RORB: variants seen among roughly 807,000 people sequenced by gnomAD.
RORB encodes the protein nuclear receptor ROR-beta.
RORB carries 6 observed loss-of-function variants against 59.1 expected under a neutral mutation model. The observed-to-expected ratio is 0.10, with a 90% confidence interval of 0.06 to 0.20. The LOEUF (loss-of-function observed/expected upper bound fraction) is 0.20, where lower values mean the gene tolerates loss of function less well. Among genes scored for constraint, RORB ranks in the 10% least tolerant of loss-of-function variants. The pLI, the probability that RORB is intolerant of heterozygous loss-of-function variation, is 1.00. For missense variants in RORB, 320 were observed against 560.5 expected, an observed-to-expected ratio of 0.57 and a Z score of 4.33; for synonymous variants, 215 against 204.5, an observed-to-expected ratio of 1.05 and a Z score of -0.44.
At chr9:74,645,585 T>C (rs978015097) in intron 4 of RORB, among the ~76,000 whole-genome samples, 2 of 152,190 alleles carry the variant, frequency 1.3e-5, no homozygotes. Flanking sequence ...GTAAGCACCA[T>C]TATTATTAAT....
At chr9:74,638,429 C>T in intron 3 of RORB, among the ~76,000 whole-genome samples, 1 of 152,164 alleles carries the variant, frequency 6.6e-6, no homozygotes, top group East Asian at 1.9e-4. Context: ...GCAAATACCA[C>T]ATCATTGAAT....
At chr9:74,524,523 G>A (rs1382427727) in intron 1 of RORB, among the ~76,000 whole-genome samples, 1 of 151,822 alleles carries the variant, frequency 6.6e-6, no homozygotes, top group African/African-American at 2.4e-5. Flanking sequence ...ATGAGCTGTT[G>A]ATTTAAATGC....
At chr9:74,539,450 A>G (rs1278814897) in intron 1 of RORB, among the ~76,000 whole-genome samples, 2 of 152,192 alleles carry the variant, frequency 1.3e-5, no homozygotes, top group Non-Finnish European at 2.9e-5. Context: ...ACAAAATGTC[A>G]TGTACAAAAT....
chr9:74,689,062 G>C lies in RORB; in HGVS notation c.*3444G>C, dbSNP rs1201307053. 2 of 152,240 alleles carry C rather than the reference G, an allele frequency of 1.3e-5. No homozygotes were observed. Among genetic ancestry groups the C allele is most frequent in the African/African-American group, 4.8e-5 (2 of 41,444 alleles). 9.4% of individuals were successfully genotyped at this position (152,240 alleles called of 1,614,324 possible). On this transcript the variant is annotated 3_prime_UTR_variant, in exon 10 of 10. Coordinates refer to ENST00000376896, the MANE Select transcript of RORB (RefSeq NM_006914.4). Reference sequence around the variant, plus strand: ...TTTGACACCCGTATATGCCCGTACTGTCCATGACTCAACTAATCTCTTTGC... The same window carrying C: ...TTTGACACCCGTATATGCCCGTACTCTCCATGACTCAACTAATCTCTTTGC...
intron 1 of RORB, among the ~76,000 whole-genome samples, chr9:74,611,686 A>C (rs538856685): frequency 6.6e-6 from 1 of 152,134 alleles, no homozygotes; most frequent in South Asian, 2.1e-4. Context: ...TTTCGCTATT[A>C]TTGCCCAGGC....
chr9:74,683,531 C>T (rs923943030), intron 9 of RORB, among the ~76,000 whole-genome samples: 2 of 152,124 alleles, frequency 1.3e-5, no homozygotes, highest in Non-Finnish European at 1.5e-5. Flanking sequence ...TCTGGCATTA[C>T]CTCACCCACT....
chr9:74,582,182 A>G (rs1365045915), intron 1 of RORB, among the ~76,000 whole-genome samples: 2 of 152,174 alleles, frequency 1.3e-5, no homozygotes, highest in African/African-American at 4.8e-5. Context: ...AAATTATAAG[A>G]CTACACAAGT....
intron 1 of RORB, among the ~76,000 whole-genome samples, chr9:74,599,070 C>G (rs917904709): frequency 6.6e-6 from 1 of 152,128 alleles, no homozygotes; most frequent in East Asian, 1.9e-4. Flanking sequence ...GAACACCTCC[C>G]GCTAGACCAC....
intron 3 of RORB, among the ~76,000 whole-genome samples, chr9:74,637,221 T>A (rs563692632): frequency 6.6e-6 from 1 of 152,328 alleles, no homozygotes; most frequent in South Asian, 2.1e-4. Context: ...TTCATTTTGG[T>A]ATATGCATTT....
chr9:74,594,066 A>G (rs1708382752), intron 1 of RORB, among the ~76,000 whole-genome samples: 1 of 152,224 alleles, frequency 6.6e-6, no homozygotes, highest in African/African-American at 2.4e-5. Flanking sequence ...TAGCAACCAC[A>G]GTATTTTTGG....
chr9:74,589,893 A>G (rs1337842157), intron 1 of RORB, among the ~76,000 whole-genome samples: 2 of 152,178 alleles, frequency 1.3e-5, no homozygotes, highest in Non-Finnish European at 2.9e-5. Context: ...GCTATTAATT[A>G]ATTTATTATA....
intron 1 of RORB, among the ~76,000 whole-genome samples, chr9:74,623,621 T>C (rs1823459956): frequency 6.6e-6 from 1 of 152,144 alleles, no homozygotes; most frequent in African/African-American, 2.4e-5. Flanking sequence ...ACAGTGCTTC[T>C]CAAACTCGAA....
chr9:74,566,840 G>T (rs1312375015), intron 1 of RORB, among the ~76,000 whole-genome samples: 2 of 152,276 alleles, frequency 1.3e-5, no homozygotes, highest in East Asian at 3.9e-4. Flanking sequence ...AAGATATAAG[G>T]CTGATAGCCC....
At chr9:74,633,219 T>C (rs887850420) in intron 2 of RORB, among the ~76,000 whole-genome samples, 1 of 152,208 alleles carries the variant, frequency 6.6e-6, no homozygotes, top group African/African-American at 2.4e-5. Context: ...TGTTAAAATA[T>C]TGTATTTTCT....
intron 1 of RORB, among the ~76,000 whole-genome samples, chr9:74,613,092 T>C (rs10781241): frequency 0.42 from 63,313 of 152,014 alleles, 14,480 homozygotes; most frequent in East Asian, 0.76. Context: ...AAAGAATGAA[T>C]GATAACCAGA....
chr9:74,511,039 T>C (rs868378560), intron 1 of RORB, among the ~76,000 whole-genome samples: 73 of 152,332 alleles, frequency 4.8e-4, no homozygotes, highest in African/African-American at 1.6e-3. Context: ...AAAAAGACTT[T>C]ATACCTAAAG....
At chr9:74,618,484 T>G (rs34059398) in intron 1 of RORB, among the ~76,000 whole-genome samples, 4 of 152,208 alleles carry the variant, frequency 2.6e-5, no homozygotes, top group Non-Finnish European at 5.9e-5. Context: ...ACATTGAAAT[T>G]GGTTCTGATC....
intron 1 of RORB, among the ~76,000 whole-genome samples, chr9:74,614,547 G>A (rs1823279685): frequency 6.6e-6 from 1 of 151,822 alleles, no homozygotes; most frequent in Non-Finnish European, 1.5e-5. Context: ...CAATACATGT[G>A]TCCTAGAACA....
At chr9:74,661,611 C>T (rs1587411966) in intron 5 of RORB, among the ~76,000 whole-genome samples, 1 of 147,274 alleles carries the variant, frequency 6.8e-6, no homozygotes, top group Admixed American at 6.8e-5. Flanking sequence ...TGATGTAATG[C>T]CTTTTTCCTC....
Sources: gnomAD v4.1 joint callset for allele counts (sites outside exome capture counted in the v4.1 genomes callset) on GRCh38, gnomAD v4.1.1 for gene constraint, MANE v1.5 for transcripts, NCBI Gene and HGNC (gene_info 2026-07-23, HGNC 2026-07-21) for gene names.